Variants in PDZD2 observed in about 807,000 individuals in gnomAD.
The protein encoded by PDZD2 is PDZ domain-containing protein 2.
A neutral mutation model predicts 220.7 loss-of-function variants in PDZD2; 90 were observed. The ratio of observed to expected loss-of-function variants is 0.41; its 90% CI spans 0.34 to 0.49. PDZD2 has a LOEUF of 0.49. Ranked by LOEUF, PDZD2 falls within the 20% of genes least tolerant of loss-of-function variation. PDZD2 has a pLI of 0.28. For missense variants in PDZD2, 3,174 were observed against 3,608.5 expected, an observed-to-expected ratio of 0.88 and a Z score of 3.08; for synonymous variants, 1,375 against 1,450.5, an observed-to-expected ratio of 0.95 and a Z score of 1.18.
intron 1 of PDZD2, among the ~76,000 whole-genome samples, chr5:31,654,063 C>T (rs113273992): frequency 0.022 from 3,364 of 152,242 alleles, 58 homozygotes; most frequent in Non-Finnish European, 0.035. Flanking sequence ...GGATTACAGG[C>T]GTGGGCCACC....
At chr5:32,006,601 T>C (rs1031965631) in intron 5 of PDZD2, among the ~76,000 whole-genome samples, 24 of 151,670 alleles carry the variant, frequency 1.6e-4, no homozygotes, top group Non-Finnish European at 3.2e-4. Flanking sequence ...GGTCTCAAAC[T>C]CCTGCCCTCA....
At chr5:31,715,077 A>G (rs1748364573) in intron 1 of PDZD2, among the ~76,000 whole-genome samples, 1 of 150,768 alleles carries the variant, frequency 6.6e-6, no homozygotes, top group South Asian at 2.1e-4. Flanking sequence ...AAAAAAAGAA[A>G]GAAAGAAAAT....
At chr5:32,107,571 A>C (rs182498757) in intron 24 of PDZD2, 433 of 153,818 alleles carry the variant, frequency 2.8e-3, no homozygotes, top group Non-Finnish European at 4.1e-3. Flanking sequence ...CAACAAAAAA[A>C]GTTGAACCTG....
At chr5:31,688,381 C>T (rs1746959978) in intron 1 of PDZD2, among the ~76,000 whole-genome samples, 1 of 152,214 alleles carries the variant, frequency 6.6e-6, no homozygotes, top group Admixed American at 6.5e-5. Flanking sequence ...GGCTGGTCCA[C>T]TTCTTTTCAG....
chr5:31,862,677 C>T (rs1318270061), intron 2 of PDZD2, among the ~76,000 whole-genome samples: 2 of 151,762 alleles, frequency 1.3e-5, no homozygotes, highest in Non-Finnish European at 2.9e-5. Context: ...TCTCCTACCT[C>T]AGCCTCCATA....
chr5:31,970,102 TGA>T (rs1749162805), intron 2 of PDZD2, among the ~76,000 whole-genome samples: 1 of 152,064 alleles, frequency 6.6e-6, no homozygotes, highest in African/African-American at 2.4e-5. Flanking sequence ...TTCTCCATGT[TGA>T]GGCTGGTCTC....
intron 2 of PDZD2, among the ~76,000 whole-genome samples, chr5:31,904,033 C>CT (rs1289381668): frequency 0.12 from 15,997 of 135,912 alleles, 988 homozygotes; most frequent in Middle Eastern, 0.18. Flanking sequence ...CACCCAGCCA[C>CT]TTTTTTTTTT....
chr5:31,886,761 G>C (rs1463245396), intron 2 of PDZD2, among the ~76,000 whole-genome samples: 1 of 151,460 alleles, frequency 6.6e-6, no homozygotes, highest in Non-Finnish European at 1.5e-5. Context: ...GCAGTGGTGC[G>C]ATCTCGGCTC....
chr5:31,767,262 A>C (rs6869970), intron 1 of PDZD2, among the ~76,000 whole-genome samples: 95,987 of 151,542 alleles, frequency 0.63, 30,495 homozygotes, highest in African/African-American at 0.72. Context: ...CAACTCCTGA[A>C]CTCAAGTGAT....
chr5:31,752,544 G>T (rs960901685), intron 1 of PDZD2, among the ~76,000 whole-genome samples: 5 of 151,766 alleles, frequency 3.3e-5, no homozygotes, highest in African/African-American at 1.2e-4. Context: ...GGGTCACTCT[G>T]TCTCAAAAAT....
At chr5:31,942,866 G>A (rs1218103090) in intron 2 of PDZD2, among the ~76,000 whole-genome samples, 1 of 152,186 alleles carries the variant, frequency 6.6e-6, no homozygotes, top group Non-Finnish European at 1.5e-5. Context: ...GGGGAAAATA[G>A]CCTACAGAAC....
intron 7 of PDZD2, among the ~76,000 whole-genome samples, chr5:32,038,405 C>T (rs1043387517): frequency 6.6e-6 from 1 of 151,474 alleles, no homozygotes; most frequent in South Asian, 2.1e-4. Context: ...GGTGTGGTGG[C>T]GTACACCTGT....
At chr5:31,870,209 AT>A (rs1336802081) in intron 2 of PDZD2, among the ~76,000 whole-genome samples, 2 of 152,130 alleles carry the variant, frequency 1.3e-5, no homozygotes, top group African/African-American at 4.8e-5. Flanking sequence ...GGAAAAGGGC[AT>A]TTGAGAGAAA....
chr5:31,977,345 G>T (rs991654248), intron 2 of PDZD2, among the ~76,000 whole-genome samples: 3 of 152,196 alleles, frequency 2.0e-5, no homozygotes, highest in Non-Finnish European at 4.4e-5. Context: ...CTATACAGCT[G>T]CCTCAAGCCC....
chr5:31,747,063 T>G (rs1213898626), intron 1 of PDZD2, among the ~76,000 whole-genome samples: 1 of 152,084 alleles, frequency 6.6e-6, no homozygotes, highest in African/African-American at 2.4e-5. Flanking sequence ...TAATCCCAGC[T>G]ACTCGGGAGG....
At chr5:31,700,203 C>A (rs1204021649) in intron 1 of PDZD2, among the ~76,000 whole-genome samples, 1 of 151,938 alleles carries the variant, frequency 6.6e-6, no homozygotes, top group Non-Finnish European at 1.5e-5. Context: ...GCAAGTTAGG[C>A]CTAGAGGGAG....
intron 2 of PDZD2, among the ~76,000 whole-genome samples, chr5:31,890,761 G>A (rs1001860730): frequency 6.6e-6 from 1 of 152,122 alleles, no homozygotes; most frequent in Non-Finnish European, 1.5e-5. Flanking sequence ...ATCCAAGGAG[G>A]AGTTTCTCTG....
In PDZD2 at chr5:32,019,861, G is replaced by A. The variant is rs573507918; in HGVS notation, c.1407+9379G>A. Among the ~76,000 whole-genome samples the A allele has an allele frequency of 7.2e-5, 11 of 151,984 alleles. No individual in the cohort carries two copies. The South Asian group carries it at 1.9e-3, about 26-fold the overall frequency. On this transcript the variant is annotated intron_variant, in intron 6 of 24. Coordinates refer to ENST00000438447, the MANE Select transcript of PDZD2 (RefSeq NM_178140.4). ...AGAAGTCATGTAATGACTTTCTCAC[G>A]GGAGGTAAGTTTCTTCCTGTCTTTG...
At chr5:32,062,878 T>G (rs12110295) in intron 14 of PDZD2, among the ~76,000 whole-genome samples, 13,631 of 151,924 alleles carry the variant, frequency 0.09, 787 homozygotes, top group East Asian at 0.23. Flanking sequence ...AAAGTGGGAG[T>G]TCTTTCTTTG....
Sources: gnomAD v4.1 joint callset for allele counts (sites outside exome capture counted in the v4.1 genomes callset) on GRCh38, gnomAD v4.1.1 for gene constraint, MANE v1.5 for transcripts, NCBI Gene and HGNC (gene_info 2026-07-23, HGNC 2026-07-21) for gene names.